CHD1L: variants seen among roughly 807,000 people sequenced by gnomAD.
CHD1L encodes ATP-dependent chromatin remodeler CHD1L.
In CHD1L, 118 loss-of-function variants were observed where a neutral mutation model predicts 115.9. The observed-to-expected ratio is 1.02, with a 90% CI of 0.88 to 1.19. CHD1L has a LOEUF of 1.19. CHD1L is among the 50% of genes most tolerant of loss of function. The pLI, the probability that CHD1L is intolerant of heterozygous loss-of-function variation, is 0.00. For missense variants in CHD1L, 1,179 were observed against 1,065.3 expected (o/e 1.11, Z -1.49); for synonymous variants, 411 against 387.1 (o/e 1.06, Z -0.72).
chr1:147,214,147 T>C, the CHD1L span, among the ~76,000 whole-genome samples: 2 of 152,178 alleles, frequency 1.3e-5, no homozygotes, highest in Non-Finnish European at 1.5e-5. Context: ...AATGTCTTCA[T>C]GGACTAATAG....
At chr1:147,213,113 T>G in the CHD1L span, among the ~76,000 whole-genome samples, 1 of 152,146 alleles carries the variant, frequency 6.6e-6, no homozygotes, top group Admixed American at 6.5e-5. Flanking sequence ...AGACTGCAAA[T>G]TTTGCTCTAA....
At chr1:147,192,230 C>T in the CHD1L span, among the ~76,000 whole-genome samples, 7 of 151,976 alleles carry the variant, frequency 4.6e-5, no homozygotes, top group Non-Finnish European at 1.0e-4. Flanking sequence ...CCTTCACATC[C>T]CTTGTAAGTT....
intron 14 of CHD1L, among the ~76,000 whole-genome samples, chr1:147,277,904 G>A (rs587643101): frequency 6.6e-6 from 1 of 152,150 alleles, no homozygotes; most frequent in Non-Finnish European, 1.5e-5. Flanking sequence ...TCTCCCAGTG[G>A]AGGGAGCGCC....
At chr1:147,191,537 T>C in the CHD1L span, among the ~76,000 whole-genome samples, 1 of 95,994 alleles carries the variant, frequency 1.0e-5, no homozygotes, top group African/African-American at 3.2e-5. Flanking sequence ...GGTTGTTTGT[T>C]TTTTTCTTAT....
At chr1:147,238,352 G>A (rs1027249266), upstream of CHD1L, among the ~76,000 whole-genome samples, 1 of 152,198 alleles carries the variant, frequency 6.6e-6, no homozygotes, top group Non-Finnish European at 1.5e-5. Flanking sequence ...GTGCCCTGAT[G>A]TTACCTAACA....
chr1:147,182,041 A>G, the CHD1L span, among the ~76,000 whole-genome samples: 1 of 152,216 alleles, frequency 6.6e-6, no homozygotes, highest in Non-Finnish European at 1.5e-5. Flanking sequence ...AGATTATAAA[A>G]TCACTGGAGT....
intron 5 of CHD1L, chr1:147,258,847 A>T (rs1670979675): frequency 6.6e-6 from 1 of 152,190 alleles, no homozygotes; most frequent in Non-Finnish European, 1.5e-5. Flanking sequence ...ATGTAATGGG[A>T]TTCCAGAATG....
At chr1:147,257,180 T>C (rs1354344637) in intron 5 of CHD1L, among the ~76,000 whole-genome samples, 3 of 151,758 alleles carry the variant, frequency 2.0e-5, no homozygotes, top group African/African-American at 7.3e-5. Context: ...AAGAAAGATA[T>C]GTTGACAGGG....
At chr1:147,194,931 G>A in the CHD1L span, among the ~76,000 whole-genome samples, 27,528 of 151,708 alleles carry the variant, frequency 0.18, 3,165 homozygotes, top group South Asian at 0.26. Context: ...CTCTCTGGCT[G>A]CCCTTAACAT....
chr1:147,179,275 G>T, the CHD1L span: 1 of 1,609,842 alleles, frequency 6.2e-7, no homozygotes, highest in Non-Finnish European at 8.5e-7. Flanking sequence ...GAATTTTGAT[G>T]AAATAGTGAA....
the CHD1L span, chr1:147,223,851 A>G: frequency 9.3e-6 from 3 of 321,946 alleles, no homozygotes; most frequent in African/African-American, 2.2e-5. Flanking sequence ...ACGCGGGCCC[A>G]CAAGCACAGA....
chr1:147,262,174 C>T (rs781959943), intron 6 of CHD1L, among the ~76,000 whole-genome samples: 12 of 128,416 alleles, frequency 9.3e-5, no homozygotes, highest in South Asian at 7.3e-4. Flanking sequence ...CCAGCCTGGG[C>T]GACAGAGCGA....
chr1:147,293,043 C>T (rs1272180433), intron 20 of CHD1L, among the ~76,000 whole-genome samples: 1 of 152,200 alleles, frequency 6.6e-6, no homozygotes, highest in Non-Finnish European at 1.5e-5. Context: ...TCCAGTGATT[C>T]AGGAAAACTG....
At chr1:147,229,234 C>T in the CHD1L span, among the ~76,000 whole-genome samples, 1 of 152,044 alleles carries the variant, frequency 6.6e-6, no homozygotes, top group African/African-American at 2.4e-5. Flanking sequence ...TACAGCTAGC[C>T]CGTTTTCCCA....
the CHD1L span, among the ~76,000 whole-genome samples, chr1:147,177,604 TATG>T: frequency 1.3e-5 from 2 of 152,198 alleles, no homozygotes; most frequent in African/African-American, 4.8e-5. Context: ...CTTGATATGA[TATG>T]ATGAGAATAG....
chr1:147,213,937 A>G, the CHD1L span, among the ~76,000 whole-genome samples: 1 of 152,208 alleles, frequency 6.6e-6, no homozygotes, highest in Admixed American at 6.5e-5. Context: ...GGTAGGGTAG[A>G]AAAACACCTC....
chr1:147,268,353 G>A lies in CHD1L; in HGVS notation c.989-429G>A, dbSNP rs183567568. 1.7e-3 allele frequency among the ~76,000 whole-genome samples: 266 copies of A among 152,256 alleles called. 2 individuals are homozygous for A. The highest frequency in any genetic ancestry group is 6.2e-3 in the African/African-American group (258 of 41,534). ...AGGGCTTGCTGCAGTCATTTTAAGG[G>A]AATCTCTGCCAAATAGTGCTAAGAA... On this transcript the variant is annotated intron_variant, in intron 9 of 22. Transcript: ENST00000369258.
intron 1 of CHD1L, among the ~76,000 whole-genome samples, chr1:147,243,819 G>A: frequency 6.6e-6 from 1 of 152,222 alleles, no homozygotes; most frequent in Non-Finnish European, 1.5e-5. Context: ...ACTAGTGAGA[G>A]TGCATTTAAA....
At chr1:147,244,971 A>G (rs1666120048) in intron 1 of CHD1L, among the ~76,000 whole-genome samples, 1 of 152,228 alleles carries the variant, frequency 6.6e-6, no homozygotes, top group African/African-American at 2.4e-5. Context: ...TGAGAAGTTA[A>G]TATGCTATCG....
Sources: gnomAD v4.1 joint callset for allele counts (sites outside exome capture counted in the v4.1 genomes callset) on GRCh38, gnomAD v4.1.1 for gene constraint, MANE v1.5 for transcripts, NCBI Gene and HGNC (gene_info 2026-07-23, HGNC 2026-07-21) for gene names.